SNX29: variants seen among roughly 807,000 people sequenced by gnomAD.
The protein encoded by SNX29 is sorting nexin-29.
In SNX29, 78 loss-of-function variants were observed where a neutral mutation model predicts 102.1. The ratio of observed to expected loss-of-function variants is 0.76; its 90% CI spans 0.64 to 0.92. The LOEUF is 0.92. Among genes scored for constraint, SNX29 ranks in the 40% least tolerant of loss-of-function variants. The pLI is 0.00. For missense variants in SNX29, 1,280 were observed against 1,061.7 expected, an observed-to-expected ratio of 1.21 and a Z score of -2.86; for synonymous variants, 580 against 414.5, an observed-to-expected ratio of 1.40 and a Z score of -4.85.
intron 15 of SNX29, among the ~76,000 whole-genome samples, chr16:12,316,085 A>T (rs1317014343): frequency 6.6e-6 from 1 of 152,164 alleles, no homozygotes; most frequent in Non-Finnish European, 1.5e-5. Context: ...GGGAAGGGAG[A>T]TGTTGCTTGA....
chr16:12,013,507 A>ATATATATATATG (rs2056742723), intron 3 of SNX29, among the ~76,000 whole-genome samples: 2 of 52,680 alleles, frequency 3.8e-5, no homozygotes, highest in Non-Finnish European at 7.0e-5. Flanking sequence ...AAAAATATAT[A>ATATATATATATG]TATATATATA....
intron 15 of SNX29, among the ~76,000 whole-genome samples, chr16:12,308,774 C>G (rs1243382267): frequency 3.3e-5 from 5 of 152,028 alleles, no homozygotes; most frequent in Middle Eastern, 3.2e-3. Context: ...AGAGTCTTGA[C>G]AACATGTAAG....
intron 19 of SNX29, among the ~76,000 whole-genome samples, chr16:12,518,996 C>G (rs1256146672): frequency 6.6e-6 from 1 of 152,168 alleles, no homozygotes; most frequent in Non-Finnish European, 1.5e-5. Context: ...TCAGGGCTTG[C>G]AAATGCACTG....
intron 15 of SNX29, among the ~76,000 whole-genome samples, chr16:12,319,897 A>G (rs573548749): frequency 2.5e-4 from 38 of 152,242 alleles, no homozygotes; most frequent in African/African-American, 8.4e-4. Context: ...GCTCAGCCAT[A>G]ATTAGTTCCT....
At chr16:12,565,219 C>G (rs1013065401) in intron 20 of SNX29, among the ~76,000 whole-genome samples, 2 of 152,216 alleles carry the variant, frequency 1.3e-5, no homozygotes, top group African/African-American at 4.8e-5. Flanking sequence ...GACAGCATTA[C>G]CAGTATTAGG....
At chr16:12,478,261 C>T (rs776400141) in intron 19 of SNX29, among the ~76,000 whole-genome samples, 1 of 152,200 alleles carries the variant, frequency 6.6e-6, no homozygotes, top group Non-Finnish European at 1.5e-5. Flanking sequence ...TAAGAATAGA[C>T]AGCAGCTGGA....
intron 14 of SNX29, among the ~76,000 whole-genome samples, chr16:12,268,121 G>T (rs931320741): frequency 6.6e-6 from 1 of 152,146 alleles, no homozygotes; most frequent in Admixed American, 6.5e-5. Flanking sequence ...GGCTTTCTTC[G>T]AACCTTATTT....
chr16:12,323,966 T>C (rs563699416), intron 15 of SNX29, among the ~76,000 whole-genome samples: 2 of 152,234 alleles, frequency 1.3e-5, no homozygotes, highest in South Asian at 4.2e-4. Context: ...ATATAGAGAT[T>C]GATTGTAAGT....
chr16:12,376,687 A>G (rs925796119), intron 16 of SNX29, among the ~76,000 whole-genome samples: 10 of 141,596 alleles, frequency 7.1e-5, no homozygotes, highest in Admixed American at 3.9e-4. Context: ...CAGTGAGCCG[A>G]GATCGCACCA....
intron 20 of SNX29, among the ~76,000 whole-genome samples, chr16:12,563,990 C>G (rs1173077505): frequency 1.3e-5 from 2 of 152,112 alleles, no homozygotes; most frequent in Non-Finnish European, 2.9e-5. Context: ...TCCCTCTGCC[C>G]CTGCAGCACC....
chr16:12,186,087 C>G (rs2076503024), intron 13 of SNX29, among the ~76,000 whole-genome samples: 1 of 152,124 alleles, frequency 6.6e-6, no homozygotes, highest in Non-Finnish European at 1.5e-5. Context: ...TTTATATTGA[C>G]CAAACAAATG....
chr16:12,392,272 C>G (rs1339862584), intron 16 of SNX29, among the ~76,000 whole-genome samples: 1 of 152,164 alleles, frequency 6.6e-6, no homozygotes, highest in Non-Finnish European at 1.5e-5. Context: ...TCCTTGTTTC[C>G]AGGCTTTTAT....
chr16:12,352,830 A>G (rs1181959363), intron 15 of SNX29, among the ~76,000 whole-genome samples: 1 of 152,168 alleles, frequency 6.6e-6, no homozygotes, highest in Non-Finnish European at 1.5e-5. Context: ...TGTCACTGTC[A>G]TAGTGTTGTC....
Position 12,048,571 on chromosome 16 carries a change from T to C in SNX29, c.699T>C (p.Pro233=), listed in dbSNP as rs2050180847. 2 of 1,613,792 alleles carry C rather than the reference T, an allele frequency of 1.2e-6. No homozygotes were observed. Among genetic ancestry groups the C allele is most frequent in the Non-Finnish European group, 1.7e-6 (2 of 1,179,866 alleles). The change falls in exon 7 of 21, where the codon CCT becomes CCC. Residue 233 remains proline (P), a synonymous_variant. Transcript: ENST00000566228. ...ASSAVSILIK[P]EQETDPLPVV... is the part of the protein sequence containing the mutation. ...CTGCCGTCTCCATCCTCATCAAACC[T>C]GAACAGGAGACCGACCCCTTGCCTG...
chr16:12,422,514 G>C (rs1323460712), intron 18 of SNX29, among the ~76,000 whole-genome samples: 1 of 152,204 alleles, frequency 6.6e-6, no homozygotes, highest in Non-Finnish European at 1.5e-5. Context: ...TTCCCTCTCA[G>C]CTTCTTCTGG....
intron 14 of SNX29, among the ~76,000 whole-genome samples, chr16:12,243,796 C>T (rs182986569): frequency 6.6e-6 from 1 of 152,214 alleles, no homozygotes. Flanking sequence ...TCTGCTCAGA[C>T]AGAAGCACCT....
intron 20 of SNX29, among the ~76,000 whole-genome samples, chr16:12,556,129 C>T (rs992267009): frequency 6.6e-6 from 1 of 152,144 alleles, no homozygotes; most frequent in Non-Finnish European, 1.5e-5. Context: ...CTTATGTTCT[C>T]AAAGTGATGG....
chr16:12,436,216 C>G (rs1359837850), intron 18 of SNX29, among the ~76,000 whole-genome samples: 1 of 151,350 alleles, frequency 6.6e-6, no homozygotes. Flanking sequence ...AGTATTGGCA[C>G]AGGTGAGGGC....
chr16:12,535,136 C>G (rs191845258), intron 20 of SNX29, among the ~76,000 whole-genome samples: 1 of 152,246 alleles, frequency 6.6e-6, no homozygotes, highest in African/African-American at 2.4e-5. Context: ...AGGTATTAGG[C>G]CAGGAGCTTT....
Sources: allele counts gnomAD v4.1 joint callset (sites outside exome capture counted in the v4.1 genomes callset), GRCh38; gene constraint gnomAD v4.1.1; transcripts MANE v1.5; gene names NCBI Gene and HGNC (gene_info 2026-07-23, HGNC 2026-07-21).